The following FOCAD variants were observed in gnomAD, a reference collection of about 807,000 sequenced individuals.
FOCAD encodes KIAA1797.
Under a neutral mutation model 225.6 loss-of-function variants are expected in FOCAD, and 198 were observed. The ratio of observed to expected loss-of-function variants is 0.88; its 90% CI spans 0.78 to 0.99. FOCAD has a LOEUF of 0.99. Ranked by LOEUF, FOCAD falls within the 50% of genes least tolerant of loss-of-function variation. The pLI, the probability that FOCAD is intolerant of heterozygous loss-of-function variation, is 0.00. For synonymous variants in FOCAD, 897 were observed against 755.0 expected (o/e 1.19, Z -3.08); for missense variants, 2,713 against 2,123.6 (o/e 1.28, Z -5.46).
intron 15 of FOCAD, among the ~76,000 whole-genome samples, chr9:20,849,661 A>C (rs1388312831): frequency 6.6e-6 from 1 of 151,922 alleles, no homozygotes; most frequent in Non-Finnish European, 1.5e-5. Flanking sequence ...ATGGTTTACA[A>C]ACTCGTGTAC....
intron 9 of FOCAD, among the ~76,000 whole-genome samples, chr9:20,780,126 C>G (rs996661732): frequency 6.6e-6 from 1 of 152,110 alleles, no homozygotes; most frequent in African/African-American, 2.4e-5. Flanking sequence ...AAAGTGTTTT[C>G]TAGTAAATTT....
At chr9:20,982,522 G>A in intron 39 of FOCAD, 76 bp downstream of exon 39, 1 of 1,220,992 alleles carries the variant, frequency 8.2e-7, no homozygotes, top group Admixed American at 1.9e-5. Flanking sequence ...TTCAGTGTTT[G>A]GCTGAAGCAA....
chr9:20,872,208 A>G (rs1829841150), intron 18 of FOCAD, among the ~76,000 whole-genome samples: 1 of 152,188 alleles, frequency 6.6e-6, no homozygotes, highest in Non-Finnish European at 1.5e-5. Context: ...TTACGTGAAT[A>G]TGAAATTAGA....
At chr9:20,964,136 C>T (rs1442065203) in intron 35 of FOCAD, among the ~76,000 whole-genome samples, 1 of 151,970 alleles carries the variant, frequency 6.6e-6, no homozygotes, top group African/African-American at 2.4e-5. Flanking sequence ...GAAGCTGAGG[C>T]AGGTAGATCG....
At chr9:20,856,482 G>A (rs1828197892) in intron 15 of FOCAD, among the ~76,000 whole-genome samples, 1 of 151,876 alleles carries the variant, frequency 6.6e-6, no homozygotes, top group Non-Finnish European at 1.5e-5. Flanking sequence ...TTTTATTCTA[G>A]TTATTAATTC....
At chr9:20,802,726 T>C (rs1315737206) in intron 11 of FOCAD, among the ~76,000 whole-genome samples, 1 of 152,168 alleles carries the variant, frequency 6.6e-6, no homozygotes, top group East Asian at 1.9e-4. Context: ...TTTCATTAAA[T>C]GAAATCCTAT....
chr9:20,766,378 A>G (rs1830053621), intron 7 of FOCAD, among the ~76,000 whole-genome samples: 1 of 152,236 alleles, frequency 6.6e-6, no homozygotes, highest in Non-Finnish European at 1.5e-5. Context: ...CTTAGAGACA[A>G]TATAATCCAT....
At chr9:20,981,328 C>G (rs771159815) in intron 37 of FOCAD, 98 bp from the exon 38 acceptor site, 4 of 1,366,238 alleles carry the variant, frequency 2.9e-6, no homozygotes, top group Non-Finnish European at 4.0e-6. Context: ...CCTTTTATCT[C>G]TCAGTCTACC....
chr9:20,715,999 G>C (rs200325386), intron 2 of FOCAD: 1 of 294,062 alleles, frequency 3.4e-6, no homozygotes, highest in East Asian at 7.2e-5. Context: ...GTCTTTTCTT[G>C]TGAGAGTAAA....
intron 2 of FOCAD, among the ~76,000 whole-genome samples, chr9:20,668,663 C>T (rs1273178127): frequency 6.6e-6 from 1 of 152,194 alleles, no homozygotes; most frequent in East Asian, 1.9e-4. Context: ...CTGTCAGGAG[C>T]CAGGTAAATG....
chr9:20,978,350 C>G lies in FOCAD; in HGVS notation c.4273C>G (p.Gln1425Glu). Reference protein sequence around the residue: ...LMRLNFGEEIQQLCLEIMVTQ... With the variant: ...LMRLNFGEEIEQLCLEIMVTQ... ...TTCTTGACTTTCAGGTGAAGAGATC[C>G]AGCAACTGTGCCTTGAAATTATGGT... The change falls in exon 37 of 44, where the codon CAG (glutamine) becomes GAG (glutamate). Residue 1425 changes from glutamine (Q) to glutamate (E), a missense_variant. Transcript: ENST00000338382. 6.2e-7 allele frequency: 1 copy of G among 1,601,746 alleles called. No individual in the cohort carries two copies. Among genetic ancestry groups the G allele is most frequent in the Non-Finnish European group, 8.5e-7 (1 of 1,172,730 alleles).
intron 10 of FOCAD, 90 bp downstream of exon 10, chr9:20,782,019 G>A: frequency 9.0e-7 from 1 of 1,116,778 alleles, no homozygotes; most frequent in Non-Finnish European, 1.3e-6. Flanking sequence ...TGAAGCATCT[G>A]TTTGTTATCA....
At chr9:20,808,117 T>A (rs925944078) in intron 11 of FOCAD, among the ~76,000 whole-genome samples, 1 of 152,164 alleles carries the variant, frequency 6.6e-6, no homozygotes, top group African/African-American at 2.4e-5. Context: ...TCACAGATTC[T>A]GCAGTGGAAC....
At chr9:20,792,242 A>T (rs762436991) in intron 11 of FOCAD, among the ~76,000 whole-genome samples, 8 of 152,222 alleles carry the variant, frequency 5.3e-5, no homozygotes, top group Non-Finnish European at 1.2e-4. Flanking sequence ...ATACTTAGGT[A>T]TCTGAACTGA....
intron 27 of FOCAD, among the ~76,000 whole-genome samples, chr9:20,930,908 TTTTTTCCC>T (rs1185475635): frequency 2.6e-5 from 4 of 152,206 alleles, no homozygotes; most frequent in South Asian, 4.1e-4. Flanking sequence ...TTGAAAGTGA[TTTTTTCCC>T]TTTGCTACTA....
chr9:20,765,119 GTGT>G, intron 7 of FOCAD, 46 bp downstream of exon 7: 1 of 1,526,866 alleles, frequency 6.5e-7, no homozygotes, highest in Non-Finnish European at 8.9e-7. Context: ...GCATCAGTAA[GTGT>G]TGTTATTGTC....
intron 40 of FOCAD, 32 bp from the exon 41 acceptor site, chr9:20,988,300 G>C (rs765193579): frequency 7.5e-7 from 1 of 1,341,792 alleles, no homozygotes; most frequent in South Asian, 1.2e-5. Flanking sequence ...GGAAAACCAT[G>C]GTCTAGTAAG....
intron 11 of FOCAD, among the ~76,000 whole-genome samples, chr9:20,795,787 A>G (rs1348321346): frequency 6.7e-6 from 1 of 148,664 alleles, no homozygotes; most frequent in Non-Finnish European, 1.5e-5. Context: ...CTGTCTCGAA[A>G]AAAAAAAAAA....
At chr9:20,731,727 C>A (rs1162684732) in intron 4 of FOCAD, among the ~76,000 whole-genome samples, 2 of 152,100 alleles carry the variant, frequency 1.3e-5, no homozygotes, top group African/African-American at 4.8e-5. Context: ...AAGCGATTCT[C>A]CTGCCTCAGC....
Sources: allele counts gnomAD v4.1 joint callset (sites outside exome capture counted in the v4.1 genomes callset), GRCh38; gene constraint gnomAD v4.1.1; transcripts MANE v1.5; gene names NCBI Gene and HGNC (gene_info 2026-07-23, HGNC 2026-07-21).